The following MYH14 variants were observed in gnomAD, a reference collection of about 807,000 sequenced individuals.
The protein encoded by MYH14 is myosin heavy chain 14.
A neutral mutation model predicts 255.5 loss-of-function variants in MYH14; 123 were observed. That is an observed-to-expected ratio of 0.48 (90% confidence interval 0.42 to 0.56). The LOEUF (loss-of-function observed/expected upper bound fraction) is 0.56. Among genes scored for constraint, MYH14 ranks in the 20% least tolerant of loss-of-function variants. MYH14 has a pLI of 0.00. For synonymous variants in MYH14, 1,095 were observed against 1,161.2 expected (o/e 0.94, Z 1.16); for missense variants, 2,423 against 2,802.3 (o/e 0.86, Z 3.06).
In MYH14 at chr19:50,229,707, C is replaced by T. The variant is rs113138054; in HGVS notation, c.875-818C>T. Among the ~76,000 whole-genome samples, 326 of 152,208 alleles carry T rather than the reference C, an allele frequency of 2.1e-3. 2 individuals carry two copies. Among genetic ancestry groups the T allele is most frequent in the African/African-American group, 7.4e-3 (306 of 41,510 alleles). On this transcript the variant is annotated intron_variant, in intron 8 of 42. Coordinates refer to ENST00000642316, the MANE Select transcript of MYH14 (RefSeq NM_001145809.2). Reference sequence around the variant, plus strand: ...CACCTTTTAATATGTAAGTTTGACACGTGACTTTCTTGGGAGGGAGAGCAT... The same window carrying T: ...CACCTTTTAATATGTAAGTTTGACATGTGACTTTCTTGGGAGGGAGAGCAT...
intron 1 of MYH14, chr19:50,205,448 C>T (rs1375115598): frequency 2.0e-5 from 3 of 152,342 alleles, no homozygotes; most frequent in Non-Finnish European, 4.4e-5. Context: ...CGCCCTGTGA[C>T]GCGACGGGGC....
At chr19:50,291,510 G>T (rs538552127) in intron 36 of MYH14, among the ~76,000 whole-genome samples, 1 of 152,042 alleles carries the variant, frequency 6.6e-6, no homozygotes, top group African/African-American at 2.4e-5. Context: ...GGCTGGTCTC[G>T]ATCTCTTGGC....
At chr19:50,279,042 G>T (rs2035617368) in intron 30 of MYH14, among the ~76,000 whole-genome samples, 1 of 152,008 alleles carries the variant, frequency 6.6e-6, no homozygotes, top group South Asian at 2.1e-4. Flanking sequence ...AATGGATTTT[G>T]GTATATTCAC....
At chr19:50,216,801 C>CTTTTTTTTTTTTT (rs200626930) in intron 2 of MYH14, among the ~76,000 whole-genome samples, 1 of 112,792 alleles carries the variant, frequency 8.9e-6, no homozygotes, top group Non-Finnish European at 1.7e-5. Context: ...TCCATCCTTT[C>CTTTTTTTTTTTTT]TTTTTTTTTT....
Position 50,210,440 on chromosome 19 carries a change from G to C in MYH14, c.75G>C (p.Gln25His). Residue 25 changes from glutamine (Q) to histidine (H), a missense_variant, in exon 2 of 43, where the codon CAG becomes CAC. Physicochemically the swap from Gln to His is conservative, Grantham distance 24 (BLOSUM62 0). Around this residue, in one of 3 missense-constraint regions of MYH14, gnomAD observed 238 missense variants for 245.8 expected, o/e 0.97. Coordinates refer to ENST00000642316, the MANE Select transcript of MYH14 (RefSeq NM_001145809.2). ...CGGGCCCAGTGCCCGAGGCGGCCCAGCCGTTCCTGTTCACGCCCCGCGGGC... is the reference window on the plus strand; with the variant it reads ...CGGGCCCAGTGCCCGAGGCGGCCCACCCGTTCCTGTTCACGCCCCGCGGGC... ...PRPGPVPEAA[Q>H]PFLFTPRGPS... 1.9e-6 allele frequency: 3 copies of C among 1,554,564 alleles called. No homozygotes were observed. The highest frequency in any genetic ancestry group is 2.6e-6 in the Non-Finnish European group (3 of 1,150,856).
chr19:50,218,597 CA>C (rs71180682), intron 3 of MYH14, among the ~76,000 whole-genome samples: 5 of 149,246 alleles, frequency 3.4e-5, no homozygotes, highest in East Asian at 2.0e-4. Context: ...GACTCTGTCT[CA>C]AAAAAAAAAT....
At chr19:50,212,387 G>T (rs2032244618) in intron 2 of MYH14, among the ~76,000 whole-genome samples, 2 of 152,198 alleles carry the variant, frequency 1.3e-5, no homozygotes, top group African/African-American at 4.8e-5. Context: ...ATAATAAGAG[G>T]AGGCTAGCAA....
chr19:50,274,523 G>T (rs1023497961), intron 27 of MYH14, among the ~76,000 whole-genome samples: 1 of 152,176 alleles, frequency 6.6e-6, no homozygotes, highest in African/African-American at 2.4e-5. Context: ...TCAAACTCCT[G>T]ACCTCAGGTG....
Position 50,280,360 on chromosome 19 carries a change from G to A in MYH14, c.4267G>A (p.Glu1423Lys). The A allele has an allele frequency of 1.9e-6, 3 of 1,545,484 alleles. No homozygotes were observed. The highest frequency in any genetic ancestry group is 2.6e-6 in the Non-Finnish European group (3 of 1,144,108). The change falls in exon 32 of 43, where the codon GAA (glutamate) becomes AAA (lysine). Residue 1423 changes from glutamate (E) to lysine (K), a missense_variant. Coordinates refer to ENST00000642316, the MANE Select transcript of MYH14 (RefSeq NM_001145809.2). This position sits in a 1 kb window ranked among gnomAD's most constrained non-coding sequence, Gnocchi z 4.8. ...EAAARERAGR[E>K]LQTAQAQLSE... ...AGCTGCCAGGGAACGGGCGGGCCGTGAACTGCAGACTGCCCAGGCCCAGGT... is the reference window on the plus strand; with the variant it reads ...AGCTGCCAGGGAACGGGCGGGCCGTAAACTGCAGACTGCCCAGGCCCAGGT...
rs746211693 is a variant in MYH14, at chr19:50,293,260, C to T, written c.5284C>T (p.Arg1762Trp). Residue 1762 changes from arginine to tryptophan, a missense_variant, in exon 38 of 43, where the codon CGG becomes TGG. Around this residue, in one of 3 missense-constraint regions of MYH14, gnomAD observed 1,513 missense variants for 1,674.8 expected, o/e 0.90. Transcript: ENST00000642316. The surrounding 1 kb of genome is among the most constrained non-coding windows in gnomAD (Gnocchi z 4.1). ...ACTGGCCGCCTCGGACCGTGCTCGG[C>T]GGCAGGCCCAGCAGGACCGGGATGA... is the stretch of plus-strand genomic sequence containing the variant. ...EELAASDRAR[R>W]QAQQDRDEMA... 109 of 1,609,112 alleles carry T rather than the reference C, an allele frequency of 6.8e-5. No individual in the cohort carries two copies. Among genetic ancestry groups the T allele is most frequent in the Middle Eastern group, 1.6e-4 (1 of 6,076 alleles).
intron 36 of MYH14, among the ~76,000 whole-genome samples, chr19:50,291,713 G>A (rs7247501): frequency 0.25 from 37,917 of 151,766 alleles, 5,775 homozygotes; most frequent in East Asian, 0.48. Context: ...AAAAATACAA[G>A]AATTAGCCAG....
intron 33 of MYH14, among the ~76,000 whole-genome samples, chr19:50,284,383 T>G (rs958647705): frequency 6.6e-6 from 1 of 152,116 alleles, no homozygotes; most frequent in Non-Finnish European, 1.5e-5. Flanking sequence ...GTTTTGTTTT[T>G]TGAGACGGAG....
At chr19:50,265,324 C>CA (rs2035043073) in intron 22 of MYH14, among the ~76,000 whole-genome samples, 1 of 126,944 alleles carries the variant, frequency 7.9e-6, no homozygotes, top group Admixed American at 8.4e-5. Context: ...CCAGCCTGGG[C>CA]AACAAAGTGA....
chr19:50,224,295 C>A, intron 6 of MYH14, 118 bp downstream of exon 6: 1 of 1,340,752 alleles, frequency 7.5e-7, no homozygotes, highest in Non-Finnish European at 1.1e-6. Context: ...TGCCAGGGAC[C>A]CCTCTGCCCC....
rs8110165 is a variant in MYH14, at chr19:50,242,632, A to G, written c.1115-1610A>G. On this transcript the variant is annotated intron_variant, in intron 10 of 42. Coordinates refer to ENST00000642316, the MANE Select transcript of MYH14 (RefSeq NM_001145809.2). ...GAGATTTGGCTGGGGACACAGCCAA[A>G]CCATATCAATTTCGATCCACAAATC... is the stretch of plus-strand genomic sequence containing the variant. Among the ~76,000 whole-genome samples the G allele has an allele frequency of 2.5e-3, 376 of 152,220 alleles. 1 individual carries two copies. The highest frequency in any genetic ancestry group is 8.6e-3 in the African/African-American group (356 of 41,544).
chr19:50,205,695 C>G (rs1219687607), intron 1 of MYH14: 1 of 152,920 alleles, frequency 6.5e-6, no homozygotes, highest in Non-Finnish European at 1.5e-5. Flanking sequence ...AGGACTGCGC[C>G]GCGAGCCCGA....
chr19:50,226,887 C>G lies in MYH14; in HGVS notation c.811-16C>G. On this transcript the variant is annotated splice_polypyrimidine_tract_variant and intron_variant, in intron 7 of 42. Transcript: ENST00000642316. ...GGGACCCTCTGCTGAAGCCCACCCACTTTGGTCTCTCCCAGGGCAAATTCA... is the reference window on the plus strand; with the variant it reads ...GGGACCCTCTGCTGAAGCCCACCCAGTTTGGTCTCTCCCAGGGCAAATTCA... 6.2e-7 allele frequency: 1 copy of G among 1,613,638 alleles called. No homozygotes were observed. The highest frequency in any genetic ancestry group is 8.5e-7 in the Non-Finnish European group (1 of 1,179,672).
At chr19:50,219,547 G>A (rs2032699824) in intron 3 of MYH14, among the ~76,000 whole-genome samples, 1 of 152,072 alleles carries the variant, frequency 6.6e-6, no homozygotes, top group Non-Finnish European at 1.5e-5. Context: ...GGGCTTTTAC[G>A]AACATTTCCC....
At chr19:50,232,209 A>G (rs754861942) in intron 10 of MYH14, 139 bp downstream of exon 10, 72 of 1,074,304 alleles carry the variant, frequency 6.7e-5, no homozygotes, top group Non-Finnish European at 9.3e-5. Context: ...AGAGCAGGGA[A>G]TGAGGCTCAC....
Sources: gnomAD v4.1 joint callset for allele counts (sites outside exome capture counted in the v4.1 genomes callset) on GRCh38, gnomAD v4.1.1 for gene constraint, gnomAD v4.1.1 regional missense constraint, Gnocchi (gnomAD v3.1) non-coding constraint, MANE v1.5 for transcripts, NCBI Gene and HGNC (gene_info 2026-07-23, HGNC 2026-07-21) for gene names.